Variants in KCNAB1 observed in about 807,000 individuals in gnomAD.
The protein encoded by KCNAB1 is voltage-gated potassium channel subunit beta-1.
KCNAB1 carries 35 observed loss-of-function variants against 64.6 expected under a neutral mutation model. The observed-to-expected ratio is 0.54, with a 90% CI of 0.41 to 0.72. KCNAB1 has a LOEUF of 0.72. KCNAB1 is among the 30% of genes least tolerant of loss of function. The pLI is 0.00. For synonymous variants in KCNAB1, 177 were observed against 183.8 expected (o/e 0.96, Z 0.30); for missense variants, 401 against 512.9 (o/e 0.78, Z 2.11).
intron 1 of KCNAB1, among the ~76,000 whole-genome samples, chr3:156,333,388 T>G (rs1338740315): frequency 6.7e-6 from 1 of 150,248 alleles, no homozygotes; most frequent in Non-Finnish European, 1.5e-5. Flanking sequence ...TATAAAATGG[T>G]GACATACTAT....
chr3:156,177,094 C>G (rs1203280902), intron 1 of KCNAB1, among the ~76,000 whole-genome samples: 1 of 152,150 alleles, frequency 6.6e-6, no homozygotes, highest in Non-Finnish European at 1.5e-5. Flanking sequence ...ATGATGATGT[C>G]AACTTTATTG....
chr3:156,378,411 C>T (rs1057493820), intron 1 of KCNAB1, among the ~76,000 whole-genome samples: 4 of 152,058 alleles, frequency 2.6e-5, no homozygotes, highest in Non-Finnish European at 4.4e-5. Flanking sequence ...GAATTTTGCC[C>T]CTTAAACTTG....
intron 1 of KCNAB1, among the ~76,000 whole-genome samples, chr3:156,393,843 C>G (rs1184687012): frequency 1.3e-5 from 2 of 152,186 alleles, no homozygotes; most frequent in Non-Finnish European, 2.9e-5. Flanking sequence ...TGGAACCTGT[C>G]TTAAATTGCC....
At chr3:156,323,343 G>C (rs531601435) in intron 1 of KCNAB1, among the ~76,000 whole-genome samples, 1 of 152,070 alleles carries the variant, frequency 6.6e-6, no homozygotes, top group Admixed American at 6.6e-5. Flanking sequence ...ATTGGTGTTC[G>C]GGGAGAAATG....
At chr3:156,469,656 C>T (rs1460546479) in intron 7 of KCNAB1, among the ~76,000 whole-genome samples, 2 of 152,128 alleles carry the variant, frequency 1.3e-5, no homozygotes, top group Non-Finnish European at 2.9e-5. Context: ...CAGATTCAAA[C>T]TTTAACACAA....
chr3:156,176,444 T>G, intron 1 of KCNAB1: 1 of 785,474 alleles, frequency 1.3e-6, no homozygotes, highest in Non-Finnish European at 2.4e-6. Flanking sequence ...ATAACAGGAA[T>G]TCACAAAGGA....
intron 1 of KCNAB1, among the ~76,000 whole-genome samples, chr3:156,191,272 A>G (rs1161691500): frequency 1.3e-5 from 2 of 152,246 alleles, no homozygotes; most frequent in Non-Finnish European, 2.9e-5. Flanking sequence ...CAGTGTCAGT[A>G]TCTTAGATTC....
chr3:156,260,231 G>A (rs762857624), intron 1 of KCNAB1, among the ~76,000 whole-genome samples: 2 of 152,008 alleles, frequency 1.3e-5, no homozygotes, highest in Non-Finnish European at 2.9e-5. Context: ...TTCTCTCTTA[G>A]CAAACCATGT....
At chr3:156,190,895 G>A (rs1576590737) in intron 1 of KCNAB1, among the ~76,000 whole-genome samples, 1 of 152,128 alleles carries the variant, frequency 6.6e-6, no homozygotes. Context: ...GTTTAGCCAC[G>A]TTGGCCAGGC....
intron 1 of KCNAB1, among the ~76,000 whole-genome samples, chr3:156,362,592 T>C (rs1342042407): frequency 6.6e-6 from 1 of 152,224 alleles, no homozygotes; most frequent in East Asian, 1.9e-4. Flanking sequence ...CATTGGTTGA[T>C]GTGAGGATGA....
At chr3:156,296,190 A>G (rs1720765076) in intron 1 of KCNAB1, among the ~76,000 whole-genome samples, 1 of 152,250 alleles carries the variant, frequency 6.6e-6, no homozygotes, top group Non-Finnish European at 1.5e-5. Flanking sequence ...CATCCTAAGA[A>G]GAGCAAATCA....
At chr3:156,456,895 GT>G (rs1712475198) in intron 3 of KCNAB1, 1 of 154,028 alleles carries the variant, frequency 6.5e-6, no homozygotes, top group South Asian at 2.0e-4. Flanking sequence ...TGGGTTCCTG[GT>G]GAGTCAGAGG....
chr3:156,445,295 C>G (rs1717328761), intron 2 of KCNAB1, among the ~76,000 whole-genome samples: 1 of 152,032 alleles, frequency 6.6e-6, no homozygotes. Flanking sequence ...GACTCTGTCT[C>G]TGAAACAAAA....
chr3:156,311,500 G>C (rs557505545), intron 1 of KCNAB1, among the ~76,000 whole-genome samples: 1 of 152,184 alleles, frequency 6.6e-6, no homozygotes, highest in Non-Finnish European at 1.5e-5. Context: ...GGGGAGAACA[G>C]GTGAGCTGTG....
chr3:156,349,411 G>A (rs971444681), intron 1 of KCNAB1, among the ~76,000 whole-genome samples: 2 of 152,160 alleles, frequency 1.3e-5, no homozygotes, highest in Admixed American at 1.3e-4. Flanking sequence ...ATACCTGTCT[G>A]CTTCACAAGT....
chr3:156,253,870 A>G (rs943238212), intron 1 of KCNAB1, among the ~76,000 whole-genome samples: 2 of 152,214 alleles, frequency 1.3e-5, no homozygotes, highest in Non-Finnish European at 2.9e-5. Context: ...AAGTTTGAGA[A>G]CCATCGGTCT....
chr3:156,200,294 T>C (rs1714241917), intron 1 of KCNAB1, among the ~76,000 whole-genome samples: 1 of 152,216 alleles, frequency 6.6e-6, no homozygotes. Flanking sequence ...TTAGGAGGCA[T>C]GGGTTTCATG....
chr3:156,125,378 T>C (rs1021696796), intron 1 of KCNAB1, among the ~76,000 whole-genome samples: 2 of 152,234 alleles, frequency 1.3e-5, no homozygotes, highest in East Asian at 3.8e-4. Context: ...TAATATTTTA[T>C]AAGAGACCTT....
At chr3:156,211,446 G>A (rs79165655) in intron 1 of KCNAB1, among the ~76,000 whole-genome samples, 2,613 of 152,214 alleles carry the variant, frequency 0.017, 48 homozygotes, top group South Asian at 0.03. Context: ...CAGTTGCTTC[G>A]TCTGGATATT....
Sources: gnomAD v4.1 joint callset for allele counts (sites outside exome capture counted in the v4.1 genomes callset) on GRCh38, gnomAD v4.1.1 for gene constraint, MANE v1.5 for transcripts, NCBI Gene and HGNC (gene_info 2026-07-23, HGNC 2026-07-21) for gene names.